COG4: variants seen among roughly 807,000 people sequenced by gnomAD.
COG4 encodes conserved oligomeric Golgi complex subunit 4.
Under a neutral mutation model 95.1 loss-of-function variants are expected in COG4, and 65 were observed. The ratio of observed to expected loss-of-function variants is 0.68; its 90% CI spans 0.56 to 0.84. COG4 has a LOEUF of 0.84. Among genes scored for constraint, COG4 ranks in the 40% least tolerant of loss-of-function variants. The pLI, the probability that COG4 is intolerant of heterozygous loss-of-function variation, is 0.00. For missense variants in COG4, 1,045 were observed against 989.1 expected, an observed-to-expected ratio of 1.06 and a Z score of -0.76; for synonymous variants, 421 against 374.8, an observed-to-expected ratio of 1.12 and a Z score of -1.42.
chr16:70,499,905 C>A (rs901622561), intron 9 of COG4, among the ~76,000 whole-genome samples: 3 of 152,220 alleles, frequency 2.0e-5, no homozygotes, highest in African/African-American at 7.2e-5. Context: ...TGTGATCCGC[C>A]TGCCTCGGCC....
intron 8 of COG4, among the ~76,000 whole-genome samples, chr16:70,503,113 C>T (rs1476178942): frequency 2.0e-5 from 3 of 152,166 alleles, no homozygotes; most frequent in Non-Finnish European, 4.4e-5. Flanking sequence ...TACAGTGGCA[C>T]AATCACAGCT....
In COG4 at chr16:70,509,225, G is replaced by C; in HGVS notation, c.1002+6C>G. 6.2e-7 allele frequency: 1 copy of C among 1,614,020 alleles called. No individual in the cohort carries two copies. Among genetic ancestry groups the C allele is most frequent in the Non-Finnish European group, 8.5e-7 (1 of 1,180,024 alleles). ...CCAAACCCTACCTGTAGCTTCCCCT[G>C]CTCACCTGCTGGTGGTAGTCCCTTT... On this transcript the variant is annotated splice_donor_region_variant and intron_variant, in intron 7 of 18. Coordinates refer to ENST00000323786, the MANE Select transcript of COG4 (RefSeq NM_015386.3).
At chr16:70,517,937 C>CTT (rs201357619) in intron 2 of COG4, among the ~76,000 whole-genome samples, 197 bp from the exon 3 acceptor site, 5 of 146,616 alleles carry the variant, frequency 3.4e-5, no homozygotes, top group African/African-American at 1.2e-4. Flanking sequence ...AAAATTAACT[C>CTT]TTTTTTTTTT....
chr16:70,517,587 CAAAAAAAAAA>C (rs746781437), intron 3 of COG4, 29 bp downstream of exon 3: 8 of 509,266 alleles, frequency 1.6e-5, no homozygotes, highest in African/African-American at 1.5e-4. Context: ...GACCCTGTCT[CAAAAAAAAAA>C]AAAAAAAAAA....
chr16:70,523,147 G>A (rs2049988669), intron 1 of COG4: 1 of 585,628 alleles, frequency 1.7e-6, no homozygotes, highest in Admixed American at 2.9e-5. Flanking sequence ...GTCTAGGGAG[G>A]AGAGGCTGCA....
intron 12 of COG4, among the ~76,000 whole-genome samples, chr16:70,492,319 A>C (rs2151746133): frequency 6.6e-6 from 1 of 152,304 alleles, no homozygotes; most frequent in South Asian, 2.1e-4. Flanking sequence ...GACTTTTTTC[A>C]TAACACGACT....
At chr16:70,519,549 G>T in intron 2 of COG4, 100 bp downstream of exon 2, 1 of 802,648 alleles carries the variant, frequency 1.2e-6, no homozygotes, top group Admixed American at 1.9e-5. Flanking sequence ...TACATTTCAA[G>T]CTGAACTGGT....
At chr16:70,519,542 A>G in intron 2 of COG4, 107 bp downstream of exon 2, 2 of 783,288 alleles carry the variant, frequency 2.6e-6, no homozygotes. Flanking sequence ...TACCCTTTAC[A>G]TTTCAAGCTG....
intron 8 of COG4, among the ~76,000 whole-genome samples, chr16:70,501,960 C>T (rs1449129277): frequency 1.3e-5 from 2 of 152,042 alleles, no homozygotes; most frequent in African/African-American, 2.4e-5. Flanking sequence ...GCATGAGCTA[C>T]AGTGCCTGGC....
chr16:70,487,170 A>T (rs2049154641), intron 13 of COG4, among the ~76,000 whole-genome samples: 1 of 150,894 alleles, frequency 6.6e-6, no homozygotes, highest in African/African-American at 2.4e-5. Flanking sequence ...AGGTGCCTGT[A>T]ATCCCAGCAA....
intron 8 of COG4, among the ~76,000 whole-genome samples, chr16:70,507,648 G>A (rs1242301732): frequency 6.6e-6 from 1 of 151,884 alleles, no homozygotes; most frequent in Non-Finnish European, 1.5e-5. Flanking sequence ...ATCACTTAAG[G>A]TCAGGAGTTC....
chr16:70,509,618 T>C (rs1163293545), intron 6 of COG4, among the ~76,000 whole-genome samples: 1 of 152,194 alleles, frequency 6.6e-6, no homozygotes, highest in Non-Finnish European at 1.5e-5. Context: ...GATACTGTTT[T>C]CTACAGCAGC....
intron 2 of COG4, among the ~76,000 whole-genome samples, chr16:70,518,346 T>TC (rs2049867712): frequency 6.6e-6 from 1 of 152,078 alleles, no homozygotes; most frequent in Non-Finnish European, 1.5e-5. Context: ...GAGAGGATGG[T>TC]GAGATCAAGG....
intron 15 of COG4, chr16:70,482,377 A>C (rs954094750): frequency 9.3e-6 from 6 of 646,652 alleles, no homozygotes; most frequent in Admixed American, 2.4e-5. Context: ...GCAGTGGCCC[A>C]CATAACATGG....
Position 70,483,961 on chromosome 16 carries a change from G to T in COG4, c.1719C>A (p.Cys573Ter). The change falls in exon 14 of 19, where the codon TGC becomes TGA. Residue 573 changes from cysteine to a stop codon, truncating the protein, a stop_gained. Coordinates refer to ENST00000323786, the MANE Select transcript of COG4 (RefSeq NM_015386.3). LOFTEE classifies it high-confidence loss of function. Reference protein sequence around the residue: ...STLKKTLESDCTKLFSQGIGG... With the variant: ...STLKKTLESD The stretch of plus-strand genomic sequence containing the variant: ...CAATGCCCTGGCTGAAGAGCTTGGT[G>T]CAGTCACTCTAGGGGAGAACACTGC... The T allele has an allele frequency of 6.2e-7, 1 of 1,611,802 alleles. No individual in the cohort carries two copies. Among genetic ancestry groups the T allele is most frequent in the Non-Finnish European group, 8.5e-7 (1 of 1,179,342 alleles).
chr16:70,516,866 C>T (rs535832481), intron 3 of COG4, among the ~76,000 whole-genome samples: 7 of 152,070 alleles, frequency 4.6e-5, no homozygotes, highest in Non-Finnish European at 7.4e-5. Context: ...TGGGGTTAAG[C>T]GATCCTCCTG....
At position 70,483,677 on chromosome 16, in the gene COG4, G is replaced by A. The variant is rs566789304; in HGVS notation, c.1827+176C>T. On this transcript the variant is annotated intron_variant, in intron 14 of 18. Coordinates refer to ENST00000323786, the MANE Select transcript of COG4 (RefSeq NM_015386.3). ...TTGTCAGTGTGACAACTTCACTGCT[G>A]AGAAACCAACAGGGCCTTTAGTCTC... 1.2e-4 allele frequency among the ~76,000 whole-genome samples: 19 copies of A among 152,246 alleles called. 1 individual carries two copies. The South Asian group carries it at 3.9e-3, about 32-fold the overall frequency.
chr16:70,516,803 A>G (rs2049832032), intron 3 of COG4, among the ~76,000 whole-genome samples: 1 of 151,072 alleles, frequency 6.6e-6, no homozygotes, highest in Non-Finnish European at 1.5e-5. Flanking sequence ...CCACTCTGCA[A>G]CTCAGGCTGG....
chr16:70,511,480 T>C (rs1451458804), intron 5 of COG4, among the ~76,000 whole-genome samples: 1 of 151,288 alleles, frequency 6.6e-6, no homozygotes, highest in Non-Finnish European at 1.5e-5. Context: ...TTTGGGAGGC[T>C]GAGGTGGGAG....
Sources: gnomAD v4.1 joint callset for allele counts (sites outside exome capture counted in the v4.1 genomes callset) on GRCh38, gnomAD v4.1.1 for gene constraint, MANE v1.5 for transcripts, NCBI Gene and HGNC (gene_info 2026-07-23, HGNC 2026-07-21) for gene names.